The following OPN5 variants were observed in gnomAD, a reference collection of about 807,000 sequenced individuals.
OPN5 encodes the protein opsin 5.
A neutral mutation model predicts 41.7 loss-of-function variants in OPN5; 18 were observed. That is an observed-to-expected ratio of 0.43 (90% CI 0.30 to 0.64). OPN5 has a LOEUF of 0.64. Ranked by LOEUF, OPN5 falls within the 30% of genes least tolerant of loss-of-function variation. The pLI, the probability that OPN5 is intolerant of heterozygous loss-of-function variation, is 0.13. For missense variants in OPN5, 318 were observed against 434.5 expected, an observed-to-expected ratio of 0.73 and a Z score of 2.38; for synonymous variants, 178 against 164.3, an observed-to-expected ratio of 1.08 and a Z score of -0.64.
chr6:47,824,041 G>T, exon 7 of OPN5: 1 of 1,449,864 alleles, frequency 6.9e-7, no homozygotes, highest in Non-Finnish European at 9.5e-7. Flanking sequence ...CACGGCGTCT[G>T]GCATATGCAG....
intron 4 of OPN5, 75 bp downstream of exon 4, chr6:47,795,638 T>A (rs944348168): frequency 1.0e-6 from 1 of 1,003,280 alleles, no homozygotes; most frequent in African/African-American, 1.6e-5. Flanking sequence ...ATAGGGAACG[T>A]TGGAGACTGA....
At chr6:47,786,258 C>T (rs759899994) in intron 1 of OPN5, among the ~76,000 whole-genome samples, 2 of 152,208 alleles carry the variant, frequency 1.3e-5, no homozygotes, top group Admixed American at 6.5e-5. Flanking sequence ...CCCACACTTT[C>T]CTGAGCCTCG....
At chr6:47,809,862 T>C (rs1272327975) in intron 5 of OPN5, among the ~76,000 whole-genome samples, 1 of 152,220 alleles carries the variant, frequency 6.6e-6, no homozygotes, top group Non-Finnish European at 1.5e-5. Context: ...AATAGAGCAG[T>C]TGTGGGAGAA....
intron 2 of OPN5, among the ~76,000 whole-genome samples, chr6:47,788,365 A>G (rs1272828613): frequency 6.6e-6 from 1 of 152,206 alleles, no homozygotes; most frequent in Non-Finnish European, 1.5e-5. Flanking sequence ...GGTGAATAAT[A>G]GCAGGCTCAT....
exon 2 of OPN5, chr6:47,786,585 C>T (rs74388536): frequency 1.6e-5 from 25 of 1,611,116 alleles, no homozygotes; most frequent in Middle Eastern, 1.7e-4. Context: ...AGCTGAGACC[C>T]GCTGAAATAA....
downstream of OPN5, chr6:47,825,794 G>A (rs750797579): frequency 6.6e-6 from 1 of 152,166 alleles, no homozygotes; most frequent in Non-Finnish European, 1.5e-5. Flanking sequence ...GTTGACATGA[G>A]TAGAGATGAT....
chr6:47,790,889 T>C (rs1773349223), intron 2 of OPN5, among the ~76,000 whole-genome samples: 1 of 152,168 alleles, frequency 6.6e-6, no homozygotes, highest in Admixed American at 6.5e-5. Context: ...CAAGGTTATC[T>C]TGGGGTGTTA....
At chr6:47,824,237 C>A (rs529808553) in exon 7 of OPN5, 3 of 553,376 alleles carry the variant, frequency 5.4e-6, no homozygotes, top group Non-Finnish European at 9.7e-6. Context: ...CAGAAACCCA[C>A]GCTTTAAACA....
rs1773382406 is a variant in OPN5, at chr6:47,791,795, G to C, written c.251-7G>C. The C allele has an allele frequency of 6.2e-7, 1 of 1,613,492 alleles. No homozygotes were observed. Among genetic ancestry groups the C allele is most frequent in the African/African-American group, 1.3e-5 (1 of 74,890 alleles). On this transcript the variant is annotated splice_polypyrimidine_tract_variant and splice_region_variant and intron_variant, in intron 2 of 6. Transcript: ENST00000371211. ...AACGTCTGTTGACAAGTCACTTGGT[G>C]CTCTAGTTGTAGGCAAGCCGTTCAC... is the stretch of plus-strand genomic sequence containing the variant.
chr6:47,799,430 A>G (rs1012259103), intron 4 of OPN5, among the ~76,000 whole-genome samples: 2 of 152,136 alleles, frequency 1.3e-5, no homozygotes, highest in East Asian at 3.9e-4. Context: ...TCACAATGCC[A>G]GTGCTAATGG....
At chr6:47,795,113 C>A in intron 3 of OPN5, 116 bp from the exon 4 acceptor site, 2 of 829,808 alleles carry the variant, frequency 2.4e-6, no homozygotes, top group Middle Eastern at 2.3e-4. Flanking sequence ...GTTATCTGCC[C>A]AGGTCTCCCA....
chr6:47,796,632 C>T (rs1199713297), intron 4 of OPN5, among the ~76,000 whole-genome samples: 2 of 152,060 alleles, frequency 1.3e-5, no homozygotes, highest in African/African-American at 4.8e-5. Context: ...TGATTGGTAT[C>T]CTACCCTCGA....
At chr6:47,806,350 A>T (rs974106098) in intron 4 of OPN5, among the ~76,000 whole-genome samples, 12 of 152,144 alleles carry the variant, frequency 7.9e-5, no homozygotes, top group African/African-American at 2.9e-4. Flanking sequence ...TTTTAAATAA[A>T]AACCAAAGTT....
chr6:47,798,896 G>A (rs537601536), intron 4 of OPN5, among the ~76,000 whole-genome samples: 1 of 152,152 alleles, frequency 6.6e-6, no homozygotes, highest in East Asian at 1.9e-4. Flanking sequence ...CAAATTGCTT[G>A]CTCTCTTGGT....
At chr6:47,797,280 A>G (rs947637620) in intron 4 of OPN5, among the ~76,000 whole-genome samples, 10 of 152,208 alleles carry the variant, frequency 6.6e-5, no homozygotes, top group African/African-American at 2.4e-4. Context: ...CTCTAAATCT[A>G]TACTGATAGC....
exon 2 of OPN5, chr6:47,786,552 C>T (rs770508124): frequency 6.2e-7 from 1 of 1,608,302 alleles, no homozygotes; most frequent in Admixed American, 1.7e-5. Context: ...ATGTCCTTTA[C>T]ATGTCTTCTA....
chr6:47,801,374 T>C (rs1773767483), intron 4 of OPN5, among the ~76,000 whole-genome samples: 1 of 152,244 alleles, frequency 6.6e-6, no homozygotes, highest in Non-Finnish European at 1.5e-5. Context: ...TTCACTTTGC[T>C]CTTTTACATT....
At chr6:47,825,991 G>T (rs930034447), downstream of OPN5, 1 of 152,082 alleles carries the variant, frequency 6.6e-6, no homozygotes, top group East Asian at 1.9e-4. Flanking sequence ...TTTGGTGTAT[G>T]TATTAAGATA....
rs145850811 is a variant in OPN5 at position 47,823,554 on chromosome 6, C to CAA, written c.1057-421_1057-420dup. The CAA allele has an allele frequency of 1.3e-3, 246 of 186,876 alleles. 1 individual carries two copies. The highest frequency in any genetic ancestry group is 4.9e-3 in the African/African-American group (207 of 41,978). The allele number at this position is 186,876 out of a possible 1,614,324, so 11.6% of individuals were successfully genotyped here. On this transcript the variant is annotated intron_variant, in intron 6 of 6. Transcript: ENST00000371211. ...GGACTGTGTTCACGCTCTCTTCTGG[C>CAA]AAAAAAAAAGTCTTAAAAAATGAAA... is the stretch of plus-strand genomic sequence containing the variant.
Sources: allele counts gnomAD v4.1 joint callset (sites outside exome capture counted in the v4.1 genomes callset), GRCh38; gene constraint gnomAD v4.1.1; transcripts MANE v1.5; gene names NCBI Gene and HGNC (gene_info 2026-07-23, HGNC 2026-07-21).